FAM221A: variants seen among roughly 807,000 people sequenced by gnomAD.
FAM221A encodes family with sequence similarity 221 member A.
Under a neutral mutation model 37.6 loss-of-function variants are expected in FAM221A, and 43 were observed. The observed-to-expected ratio is 1.15, with a 90% CI of 0.90 to 1.48. The LOEUF (loss-of-function observed/expected upper bound fraction) is 1.48, where lower values mean the gene tolerates loss of function less well. FAM221A is among the 40% of genes most tolerant of loss of function. FAM221A has a pLI of 0.00. For synonymous variants in FAM221A, 135 were observed against 132.9 expected (o/e 1.02, Z -0.11); for missense variants, 361 against 361.5 (o/e 1.00, Z 0.01).
rs10244532 is a variant in FAM221A at position 23,700,882 on chromosome 7, G to A, written c.828+14G>A. 2.3e-4 allele frequency: 359 copies of A among 1,563,724 alleles called. 1 individual carries two copies. In the East Asian group the frequency reaches 7.8e-3, roughly 34 times the overall value. On this transcript the variant is annotated intron_variant, in intron 6 of 6. Coordinates refer to ENST00000344962, the MANE Select transcript of FAM221A (RefSeq NM_199136.5). ...TACCAGGAAAGGGTAGGTTTTTGAG[G>A]AAATTCAGTTGCACTAAGCATTTAC...
At chr7:23,688,448 T>G (rs934047460) in intron 2 of FAM221A, 4 of 152,190 alleles carry the variant, frequency 2.6e-5, no homozygotes, top group African/African-American at 7.2e-5. Flanking sequence ...TTAAGAAAAT[T>G]ACAATACTAT....
At chr7:23,696,066 C>G (rs988757439) in intron 4 of FAM221A, among the ~76,000 whole-genome samples, 3 of 152,156 alleles carry the variant, frequency 2.0e-5, no homozygotes, top group Admixed American at 1.3e-4. Flanking sequence ...ATGTGAACAT[C>G]ATAGAGTGTA....
intron 1 of FAM221A, among the ~76,000 whole-genome samples, chr7:23,682,893 C>T (rs1237331267): frequency 1.3e-5 from 2 of 152,168 alleles, no homozygotes; most frequent in Admixed American, 1.3e-4. Flanking sequence ...TTGATAGCTA[C>T]AAGAAAATGA....
At chr7:23,701,139 T>C (rs544216322) in intron 6 of FAM221A, among the ~76,000 whole-genome samples, 181 of 152,280 alleles carry the variant, frequency 1.2e-3, no homozygotes, top group African/African-American at 4.0e-3. Context: ...TCAGCAGATT[T>C]GTAAATTATA....
At chr7:23,697,006 G>A (rs1320554037) in intron 4 of FAM221A, among the ~76,000 whole-genome samples, 3 of 152,054 alleles carry the variant, frequency 2.0e-5, no homozygotes, top group African/African-American at 7.3e-5. Context: ...CCTAAGCTCG[G>A]GGACTCAATA....
intron 4 of FAM221A, chr7:23,692,081 A>G (rs1784785223): frequency 2.4e-6 from 1 of 409,652 alleles, no homozygotes; most frequent in Non-Finnish European, 3.3e-6. Flanking sequence ...CTGTAGTAAA[A>G]TATGTATATA....
At position 23,696,182 on chromosome 7, in the gene FAM221A, G is replaced by A. The variant is rs569166718; in HGVS notation, c.638-2010G>A. On this transcript the variant is annotated intron_variant, in intron 4 of 6. Transcript: ENST00000344962. ...TCATCATGCTACTGTACTGAATGCT[G>A]TAGACAATTGTAACACAATAGTGAG... Among the ~76,000 whole-genome samples the A allele has an allele frequency of 3.3e-5, 5 of 152,296 alleles. No individual in the cohort carries two copies. In the East Asian group the frequency reaches 9.6e-4, roughly 29 times the overall value.
chr7:23,690,170 C>CATATATATATATATATATATAT (rs1175330292), intron 3 of FAM221A, among the ~76,000 whole-genome samples: 1 of 68,594 alleles, frequency 1.5e-5, no homozygotes, highest in East Asian at 6.6e-4. Context: ...TGCCTTGGTT[C>CATATATATATATATATATATAT]ATATATATAT....
intron 3 of FAM221A, 126 bp downstream of exon 3, chr7:23,689,585 G>C: frequency 1.6e-6 from 1 of 632,590 alleles, no homozygotes; most frequent in South Asian, 4.5e-5. Flanking sequence ...TTAATATTCA[G>C]TTATGGCGTT....
rs1785503524 is a variant in FAM221A at position 23,702,225 on chromosome 7, A to G, written c.*61A>G. The G allele has an allele frequency of 1.9e-6, 2 of 1,043,522 alleles. No homozygotes were observed. Among genetic ancestry groups the G allele is most frequent in the Non-Finnish European group, 1.4e-6 (1 of 734,830 alleles). The allele number at this position is 1,043,522 out of a possible 1,614,324, so 64.6% of individuals were successfully genotyped here. On this transcript the variant is annotated 3_prime_UTR_variant, in exon 7 of 7. Transcript: ENST00000344962. ...TCTTTTTCATGTTTATTTAAATGTAATAATACAGTTTATTTTTCCTGAAAT... is the reference window on the plus strand; with the variant it reads ...TCTTTTTCATGTTTATTTAAATGTAGTAATACAGTTTATTTTTCCTGAAAT...
rs1018630152 is a variant in FAM221A, at chr7:23,700,820, A to G, written c.780A>G (p.Arg260=). The G allele has an allele frequency of 7.5e-6, 12 of 1,608,528 alleles. No homozygotes were observed. In the African/African-American group the frequency reaches 1.3e-4, roughly 18 times the overall value. The part of the protein sequence containing the change: ...GTSSQVSSLR[R]PEEDDMAFFE... ...GTAGTCAAGTTTCTTCATTAAGGAG[A>G]CCTGAAGAGGATGATATGGCTTTCT... Residue 260 remains arginine (R), a synonymous_variant, in exon 6 of 7, where the codon AGA becomes AGG. Coordinates refer to ENST00000344962, the MANE Select transcript of FAM221A (RefSeq NM_199136.5).
intron 1 of FAM221A, among the ~76,000 whole-genome samples, chr7:23,681,594 G>A (rs1173093321): frequency 6.6e-6 from 1 of 152,162 alleles, no homozygotes; most frequent in African/African-American, 2.4e-5. Flanking sequence ...TTTCTGTAGA[G>A]ACGGGATTTC....
At chr7:23,701,439 CTG>C (rs1429467532) in intron 6 of FAM221A, among the ~76,000 whole-genome samples, 1 of 152,024 alleles carries the variant, frequency 6.6e-6, no homozygotes, top group Non-Finnish European at 1.5e-5. Flanking sequence ...CGGGGTTTCA[CTG>C]TGTTAGCCAG....
Position 23,689,593 on chromosome 7 carries a change from G to A in FAM221A, c.430+134G>A, listed in dbSNP as rs766035754. 3.3e-5 allele frequency: 20 copies of A among 606,314 alleles called. No homozygotes were observed. In the South Asian group the frequency reaches 5.0e-4, roughly 15 times the overall value. The allele number at this position is 606,314 out of a possible 1,614,324, so 37.6% of individuals were successfully genotyped here. ...TGTAGAGTTAATATTCAGTTATGGC[G>A]TTAATATTAAACAACTAAGTAGAAT... is the stretch of plus-strand genomic sequence containing the variant. On this transcript the variant is annotated intron_variant, in intron 3 of 6. Coordinates refer to ENST00000344962, the MANE Select transcript of FAM221A (RefSeq NM_199136.5).
Position 23,689,457 on chromosome 7 carries a change from C to T in FAM221A, c.428C>T (p.Thr143Ile). The T allele has an allele frequency of 6.5e-7, 1 of 1,549,954 alleles. No individual in the cohort carries two copies. Residue 143 changes from threonine (T) to isoleucine (I), a missense_variant and splice_region_variant, in exon 3 of 7, where the codon ACA becomes ATA. By Grantham distance (89) the Thr-to-Ile change is moderately conservative (BLOSUM62 -1). Transcript: ENST00000344962. Reference sequence around the variant, plus strand: ...GCTGCGCCTGGCTTTACATGCAATACATGTGAGTTATATTATTATAAACAC... The same window carrying T: ...GCTGCGCCTGGCTTTACATGCAATATATGTGAGTTATATTATTATAAACAC... Reference protein sequence around the residue: ...HSAAPGFTCNTCSKCSGFHSC... With the variant: ...HSAAPGFTCNICSKCSGFHSC...
At chr7:23,680,909 C>G (rs1783996624) in intron 1 of FAM221A, 1 of 152,150 alleles carries the variant, frequency 6.6e-6, no homozygotes, top group Non-Finnish European at 1.5e-5. Context: ...GAGAGGACCG[C>G]CTGAGGACGC....
chr7:23,692,142 T>C, intron 4 of FAM221A: 6 of 910,372 alleles, frequency 6.6e-6, no homozygotes, highest in Non-Finnish European at 7.9e-6. Flanking sequence ...TTGTAAATAA[T>C]GTAGGGAAAG....
intron 5 of FAM221A, among the ~76,000 whole-genome samples, chr7:23,699,292 C>CTTT (rs71552250): frequency 6.7e-6 from 1 of 150,024 alleles, no homozygotes; most frequent in African/African-American, 2.5e-5. Flanking sequence ...ATTAAAAAAA[C>CTTT]TTTTTTTTTG....
chr7:23,690,199 A>ATATATATATATATATATTT (rs774313037), intron 3 of FAM221A, among the ~76,000 whole-genome samples: 5 of 48,738 alleles, frequency 1.0e-4, no homozygotes, highest in Non-Finnish European at 1.1e-4. Flanking sequence ...ATATATATAT[A>ATATATATATATATATATTT]TTTTTTTTTT....
Sources: gnomAD v4.1 joint callset for allele counts (sites outside exome capture counted in the v4.1 genomes callset) on GRCh38, gnomAD v4.1.1 for gene constraint, MANE v1.5 for transcripts, NCBI Gene and HGNC (gene_info 2026-07-23, HGNC 2026-07-21) for gene names.